The following PVT1 variants were observed in gnomAD, a reference collection of about 807,000 sequenced individuals.
PVT1 encodes CXCR4/PVT1 fusion.
At position 127,934,595 on chromosome 8, in the gene PVT1, C is replaced by T. The variant is rs540161514; in HGVS notation, n.782+43597C>T. On this transcript the variant is annotated intron_variant and non_coding_transcript_variant, in intron 3 of 10. Coordinates refer to ENST00000651587, the Ensembl canonical transcript of PVT1. Reference sequence around the variant, plus strand: ...CAGGAAAGAGTGAATGGGTACATTTCTCCCAATTTCTGGGCTGGAGATTCC... The same window carrying T: ...CAGGAAAGAGTGAATGGGTACATTTTTCCCAATTTCTGGGCTGGAGATTCC... 6.2e-4 allele frequency among the ~76,000 whole-genome samples: 95 copies of T among 152,362 alleles called. No homozygotes were observed. The South Asian group carries it at 0.011, about 17-fold the overall frequency.
At chr8:127,955,047 T>TC (rs1381511357) in intron 3 of PVT1, among the ~76,000 whole-genome samples, 7 of 152,188 alleles carry the variant, frequency 4.6e-5, no homozygotes, top group Admixed American at 6.5e-5. Flanking sequence ...CATGTTGAAG[T>TC]CCTAGTGCCA....
intron 4 of PVT1, among the ~76,000 whole-genome samples, chr8:128,032,167 C>CA (rs758299971): frequency 9.9e-5 from 15 of 152,170 alleles, no homozygotes; most frequent in Non-Finnish European, 1.9e-4. Flanking sequence ...AAGACCCGAG[C>CA]AGTCATTCGG....
chr8:127,843,272 G>C (rs1022563899), intron 2 of PVT1, among the ~76,000 whole-genome samples: 3 of 152,124 alleles, frequency 2.0e-5, no homozygotes, highest in Non-Finnish European at 4.4e-5. Context: ...TTGAACCCGG[G>C]AGGTGGAGGT....
At chr8:127,823,807 G>A (rs1024863138) in intron 2 of PVT1, among the ~76,000 whole-genome samples, 4 of 152,232 alleles carry the variant, frequency 2.6e-5, no homozygotes, top group African/African-American at 9.6e-5. Context: ...GCTTGTCAAT[G>A]GCCTTCACTG....
At chr8:128,078,689 A>G (rs1814126759) in intron 5 of PVT1, among the ~76,000 whole-genome samples, 1 of 152,262 alleles carries the variant, frequency 6.6e-6, no homozygotes, top group South Asian at 2.1e-4. Flanking sequence ...TAAGTCAAAT[A>G]TAAGAAATTG....
chr8:127,919,363 G>A (rs1310324562), intron 3 of PVT1, among the ~76,000 whole-genome samples: 1 of 152,182 alleles, frequency 6.6e-6, no homozygotes, highest in Admixed American at 6.5e-5. Context: ...AAGGATTCAG[G>A]TAACAAAGCC....
chr8:127,965,431 G>A (rs1189116101), intron 3 of PVT1, among the ~76,000 whole-genome samples: 1 of 152,230 alleles, frequency 6.6e-6, no homozygotes, highest in African/African-American at 2.4e-5. Context: ...GGACAGTTAT[G>A]ATTGGTTTCT....
chr8:127,853,005 G>A (rs577553577), intron 2 of PVT1, among the ~76,000 whole-genome samples: 4 of 152,270 alleles, frequency 2.6e-5, no homozygotes, highest in African/African-American at 4.8e-5. Flanking sequence ...TCTCTCTCAC[G>A]ACATACAGAT....
At chr8:127,929,882 A>T (rs1256397743) in intron 3 of PVT1, among the ~76,000 whole-genome samples, 1 of 152,246 alleles carries the variant, frequency 6.6e-6, no homozygotes, top group Non-Finnish European at 1.5e-5. Context: ...GATTCTGGAC[A>T]ATTGTCAAAC....
intron 2 of PVT1, among the ~76,000 whole-genome samples, chr8:127,844,392 G>C (rs919935854): frequency 6.6e-6 from 1 of 152,166 alleles, no homozygotes; most frequent in African/African-American, 2.4e-5. Context: ...GCTCTTGGGT[G>C]GGTATGTTTC....
intron 3 of PVT1, among the ~76,000 whole-genome samples, chr8:127,913,009 C>T (rs1040885816): frequency 1.3e-5 from 2 of 151,950 alleles, no homozygotes; most frequent in African/African-American, 4.8e-5. Context: ...CCTTCACACC[C>T]CACCTTGTTT....
chr8:127,833,390 C>T (rs866907079), intron 2 of PVT1, among the ~76,000 whole-genome samples: 7 of 152,076 alleles, frequency 4.6e-5, no homozygotes, highest in Non-Finnish European at 8.8e-5. Flanking sequence ...ATCTTGGCCT[C>T]GCCCGGTCCT....
chr8:128,036,363 G>A (rs1010996673), intron 4 of PVT1, among the ~76,000 whole-genome samples: 1 of 152,158 alleles, frequency 6.6e-6, no homozygotes, highest in Non-Finnish European at 1.5e-5. Context: ...CCTTCCTCCC[G>A]TGCCTTACCT....
intron 3 of PVT1, among the ~76,000 whole-genome samples, chr8:127,980,442 C>G (rs1388962795): frequency 1.3e-5 from 2 of 152,102 alleles, no homozygotes; most frequent in Non-Finnish European, 2.9e-5. Context: ...GGCGTGACTT[C>G]CTGGACGATG....
intron 3 of PVT1, among the ~76,000 whole-genome samples, chr8:127,910,889 G>A (rs1277119110): frequency 2.2e-5 from 3 of 134,576 alleles, no homozygotes. Context: ...GTGTGTGTGT[G>A]TGTTTGTGTG....
intron 2 of PVT1, among the ~76,000 whole-genome samples, chr8:127,886,805 A>G (rs941042946): frequency 6.6e-6 from 1 of 152,178 alleles, no homozygotes; most frequent in Non-Finnish European, 1.5e-5. Context: ...GGTCCCCATA[A>G]CTATCTTTTT....
intron 4 of PVT1, among the ~76,000 whole-genome samples, chr8:128,060,084 G>C (rs916352946): frequency 6.6e-6 from 1 of 152,180 alleles, no homozygotes; most frequent in South Asian, 2.1e-4. Flanking sequence ...GTGAAACCCC[G>C]TCTCTACTAA....
intron 2 of PVT1, among the ~76,000 whole-genome samples, chr8:127,836,584 A>G (rs1284759513): frequency 6.6e-6 from 1 of 152,324 alleles, no homozygotes; most frequent in South Asian, 2.1e-4. Context: ...GCTGGCCAGA[A>G]CTGGGCAGAT....
At chr8:127,821,940 A>G (rs1490243528) in intron 2 of PVT1, among the ~76,000 whole-genome samples, 2 of 152,198 alleles carry the variant, frequency 1.3e-5, no homozygotes, top group South Asian at 2.1e-4. Context: ...CTGCACGGCC[A>G]TATGTGGCAG....
Sources: allele counts gnomAD v4.1 joint callset (sites outside exome capture counted in the v4.1 genomes callset), GRCh38; gene constraint gnomAD v4.1.1; transcripts MANE v1.5; gene names NCBI Gene and HGNC (gene_info 2026-07-23, HGNC 2026-07-21).